The following CCDC149 variants were observed in gnomAD, a reference collection of about 807,000 sequenced individuals.
CCDC149 encodes coiled-coil domain-containing protein 149.
In CCDC149, 45 loss-of-function variants were observed where a neutral mutation model predicts 59.9. The observed-to-expected ratio is 0.75, with a 90% CI of 0.59 to 0.96. CCDC149 has a LOEUF of 0.96. Among genes scored for constraint, CCDC149 ranks in the 40% least tolerant of loss-of-function variants. The probability of loss-of-function intolerance (pLI) is 0.00; values close to 1 mark genes in which losing one functional copy is unlikely to be tolerated. For missense variants in CCDC149, 584 were observed against 664.7 expected (o/e 0.88, Z 1.33); for synonymous variants, 245 against 260.6 (o/e 0.94, Z 0.58).
intron 6 of CCDC149, among the ~76,000 whole-genome samples, chr4:24,836,765 C>A (rs1410390352): frequency 6.6e-6 from 1 of 152,116 alleles, no homozygotes; most frequent in Non-Finnish European, 1.5e-5. Context: ...TAAGGGATAT[C>A]AACACAGTTT....
rs868191596 is a variant in CCDC149, at chr4:24,807,714, A to G, written c.*675T>C. 2 of 152,288 alleles carry G rather than the reference A, an allele frequency of 1.3e-5. No individual in the cohort carries two copies. The highest frequency in any genetic ancestry group is 3.2e-3 in the Middle Eastern group (1 of 316). 9.4% of individuals were successfully genotyped at this position (152,288 alleles called of 1,614,324 possible). On this transcript the variant is annotated 3_prime_UTR_variant, in exon 13 of 13. Coordinates refer to ENST00000635206, the MANE Select transcript of CCDC149 (RefSeq NM_001330643.2). ...TTAATTCTCCAGATTTACAAGCTAGAAAACTCCAGCTCTGGCACTCAGCAC... is the reference window on the plus strand; with the variant it reads ...TTAATTCTCCAGATTTACAAGCTAGGAAACTCCAGCTCTGGCACTCAGCAC...
intron 1 of CCDC149, among the ~76,000 whole-genome samples, chr4:24,890,837 C>T (rs919252829): frequency 6.6e-6 from 1 of 152,236 alleles, no homozygotes; most frequent in Non-Finnish European, 1.5e-5. Context: ...TTGAAATCAG[C>T]CGTGCAAATC....
At chr4:24,861,733 A>G (rs1718400586) in intron 3 of CCDC149, among the ~76,000 whole-genome samples, 1 of 152,240 alleles carries the variant, frequency 6.6e-6, no homozygotes, top group South Asian at 2.1e-4. Context: ...CCTATTTTCA[A>G]TGATCGAATA....
intron 1 of CCDC149, among the ~76,000 whole-genome samples, chr4:24,952,616 AAAAAAAAAAAATATATATATATATAT>A (rs1723334858): frequency 2.5e-5 from 1 of 39,422 alleles, no homozygotes; most frequent in East Asian, 6.1e-4. Context: ...AAAAAAAAAA[AAAAAAAAAAAATATATATATATATAT>A]ATATATATAT....
At chr4:24,804,903 G>C (rs1714077230), downstream of CCDC149, among the ~76,000 whole-genome samples, 1 of 152,136 alleles carries the variant, frequency 6.6e-6, no homozygotes, top group African/African-American at 2.4e-5. Context: ...AGCTGGGAGG[G>C]TCCAGCCGGC....
chr4:24,932,655 T>C (rs1302452589), intron 1 of CCDC149, among the ~76,000 whole-genome samples: 1 of 152,202 alleles, frequency 6.6e-6, no homozygotes, highest in African/African-American at 2.4e-5. Flanking sequence ...TGGTAAGCTG[T>C]AATCCCCTCC....
At chr4:24,953,671 A>C (rs1189669833) in intron 1 of CCDC149, among the ~76,000 whole-genome samples, 1 of 152,204 alleles carries the variant, frequency 6.6e-6, no homozygotes, top group African/African-American at 2.4e-5. Context: ...GCCTATTCAG[A>C]GGAAAAAATA....
rs1008463375 is a variant in CCDC149 at position 24,950,769 on chromosome 4, A to G, written c.-65+29300T>C. Among the ~76,000 whole-genome samples, 7 of 152,310 alleles carry G rather than the reference A, an allele frequency of 4.6e-5. No homozygotes were observed. In the East Asian group the frequency reaches 1.4e-3, roughly 29 times the overall value. ...TCAATAAACACATTTTTTCCCCACC[A>G]TACAAGCTATGTTTACTAAGGAAAC... On this transcript the variant is annotated intron_variant, in intron 1 of 12. Transcript: ENST00000389609.
At chr4:24,834,282 C>T (rs544924152) in intron 8 of CCDC149, among the ~76,000 whole-genome samples, 2 of 152,106 alleles carry the variant, frequency 1.3e-5, no homozygotes, top group East Asian at 1.9e-4. Context: ...ATATTCGACT[C>T]GAGACTTATG....
Position 24,838,291 on chromosome 4 carries a change from G to T in CCDC149, c.373-19C>A. 1 of 1,557,584 alleles carries T rather than the reference G, an allele frequency of 6.4e-7. No homozygotes were observed. Among genetic ancestry groups the T allele is most frequent in the Non-Finnish European group, 8.8e-7 (1 of 1,130,324 alleles). On this transcript the variant is annotated intron_variant, in intron 4 of 12. Coordinates refer to ENST00000635206, the MANE Select transcript of CCDC149 (RefSeq NM_001330643.2). ...TCAAGAGCTGCATTTTCCATTGGTA[G>T]AAAAAGAAAAAGGCACAGAGAATAA...
At chr4:24,898,030 C>T (rs1196864626) in intron 1 of CCDC149, among the ~76,000 whole-genome samples, 11 of 152,224 alleles carry the variant, frequency 7.2e-5, no homozygotes, top group Non-Finnish European at 1.5e-4. Flanking sequence ...CTGCCTTGGT[C>T]GTGGGGTCTG....
rs1224531739 is a variant in CCDC149 at position 24,900,546 on chromosome 4, T to A, written c.63+12271A>T. On this transcript the variant is annotated intron_variant, in intron 1 of 12. Coordinates refer to ENST00000635206, the MANE Select transcript of CCDC149 (RefSeq NM_001330643.2). ...ACTACCTGAGCCACTGCATGATACATCATCATTCCAGAATTCCTGTCTCCT... is the reference window on the plus strand; with the variant it reads ...ACTACCTGAGCCACTGCATGATACAACATCATTCCAGAATTCCTGTCTCCT... 2.6e-5 allele frequency among the ~76,000 whole-genome samples: 4 copies of A among 152,214 alleles called. No individual in the cohort carries two copies. In the East Asian group the frequency reaches 7.7e-4, roughly 29 times the overall value.
chr4:24,874,998 C>A (rs9683762), intron 2 of CCDC149, among the ~76,000 whole-genome samples: 27,077 of 152,148 alleles, frequency 0.18, 2,478 homozygotes, highest in Admixed American at 0.23. Context: ...CGTGTATTAC[C>A]ATGCAACTGT....
chr4:24,935,141 G>A (rs191713231), intron 1 of CCDC149, among the ~76,000 whole-genome samples: 28 of 152,258 alleles, frequency 1.8e-4, no homozygotes, highest in Admixed American at 1.1e-3. Context: ...AAGTAGCAAC[G>A]GAGATGCAAG....
At chr4:24,814,023 T>C (rs112619092) in intron 12 of CCDC149, among the ~76,000 whole-genome samples, 50 of 152,342 alleles carry the variant, frequency 3.3e-4, no homozygotes, top group African/African-American at 9.4e-4. Flanking sequence ...TCTCCTGATA[T>C]AAATTTGCTT....
chr4:24,895,030 T>C, intron 1 of CCDC149: 4 of 1,535,362 alleles, frequency 2.6e-6, no homozygotes, highest in Non-Finnish European at 3.5e-6. Context: ...ATGATGATGA[T>C]GATGACGACG....
intron 3 of CCDC149, among the ~76,000 whole-genome samples, chr4:24,862,580 C>T (rs971418978): frequency 6.6e-6 from 1 of 152,180 alleles, no homozygotes; most frequent in African/African-American, 2.4e-5. Flanking sequence ...CACAATAAAT[C>T]GTGAATTTGA....
At chr4:24,820,561 T>C (rs1338755711) in intron 11 of CCDC149, among the ~76,000 whole-genome samples, 1 of 152,206 alleles carries the variant, frequency 6.6e-6, no homozygotes, top group African/African-American at 2.4e-5. Context: ...TAATGTATTG[T>C]GTCTTATTTC....
At chr4:24,878,232 A>G (rs1192272558) in intron 1 of CCDC149, among the ~76,000 whole-genome samples, 2 of 151,756 alleles carry the variant, frequency 1.3e-5, no homozygotes, top group East Asian at 1.9e-4. Flanking sequence ...AAAAAAAAAA[A>G]AAAAAAGAAA....
Sources: gnomAD v4.1 joint callset for allele counts (sites outside exome capture counted in the v4.1 genomes callset) on GRCh38, gnomAD v4.1.1 for gene constraint, MANE v1.5 for transcripts, NCBI Gene and HGNC (gene_info 2026-07-23, HGNC 2026-07-21) for gene names.